FOXP1: variants seen among roughly 807,000 people sequenced by gnomAD.
FOXP1 encodes forkhead box P1, also known as forkhead box protein P1.
FOXP1 carries 15 observed loss-of-function variants against 98.2 expected under a neutral mutation model. The observed-to-expected ratio is 0.15, with a 90% CI of 0.10 to 0.24. FOXP1 has a LOEUF of 0.24. Among genes scored for constraint, FOXP1 ranks in the 10% least tolerant of loss-of-function variants. The pLI is 1.00. For missense variants in FOXP1, 633 were observed against 848.5 expected (o/e 0.75, Z 3.15); for synonymous variants, 371 against 314.5 (o/e 1.18, Z -1.90).
At chr3:71,437,793 C>T (rs949906220) in intron 3 of FOXP1, among the ~76,000 whole-genome samples, 4 of 152,066 alleles carry the variant, frequency 2.6e-5, no homozygotes, top group African/African-American at 9.7e-5. Flanking sequence ...CTGGCTGGGG[C>T]GTAAGAGACC....
In FOXP1 at chr3:70,956,386, C is replaced by A. The variant is rs1575636140; in HGVS notation, c.*2861G>T. On this transcript the variant is annotated 3_prime_UTR_variant, in exon 21 of 21. Transcript: ENST00000649528. ...TTGGTTCTTCTGCAAGGCTGTGATA[C>A]CTGCAAAGATATGTAAAATCTAATT... 8.6e-6 allele frequency: 2 copies of A among 231,370 alleles called. No homozygotes were observed. The highest frequency in any genetic ancestry group is 1.2e-4 in the East Asian group (2 of 16,362). 14.3% of individuals were successfully genotyped at this position (231,370 alleles called of 1,614,324 possible). A position where few individuals can be genotyped will look rare whatever the true frequency, so the allele number is the denominator to read the frequency against.
intron 5 of FOXP1, among the ~76,000 whole-genome samples, chr3:71,207,304 A>G (rs577065304): frequency 2.7e-5 from 4 of 150,932 alleles, no homozygotes; most frequent in Non-Finnish European, 5.9e-5. Context: ...GGCCAGGTTC[A>G]TAACATAGAT....
At chr3:70,959,806 G>T (rs1353950954) in intron 20 of FOXP1, among the ~76,000 whole-genome samples, 1 of 152,130 alleles carries the variant, frequency 6.6e-6, no homozygotes, top group Non-Finnish European at 1.5e-5. Flanking sequence ...TTGAAATGCA[G>T]TGTGTGATTC....
intron 5 of FOXP1, among the ~76,000 whole-genome samples, chr3:71,232,586 G>A (rs1037057559): frequency 1.1e-4 from 16 of 151,326 alleles, no homozygotes; most frequent in Admixed American, 7.9e-4. Context: ...TAGAAACTCC[G>A]ACAAAAAAAA....
At chr3:71,454,809 A>C (rs2087307841) in intron 3 of FOXP1, among the ~76,000 whole-genome samples, 1 of 122,376 alleles carries the variant, frequency 8.2e-6, no homozygotes, top group South Asian at 2.4e-4. Flanking sequence ...AAAAAAACAA[A>C]AAAAAAACTG....
intron 4 of FOXP1, among the ~76,000 whole-genome samples, chr3:71,310,923 C>T (rs1029652499): frequency 6.6e-6 from 1 of 152,210 alleles, no homozygotes; most frequent in African/African-American, 2.4e-5. Flanking sequence ...GCGGTTCCCA[C>T]TGCAGCTGAA....
At chr3:71,279,435 T>G (rs1475448327) in intron 5 of FOXP1, among the ~76,000 whole-genome samples, 1 of 151,928 alleles carries the variant, frequency 6.6e-6, no homozygotes, top group Non-Finnish European at 1.5e-5. Context: ...GCAGGGGTGG[T>G]GAGTGGGGAG....
At chr3:71,048,809 G>A (rs1051844032) in intron 9 of FOXP1, among the ~76,000 whole-genome samples, 1 of 150,372 alleles carries the variant, frequency 6.7e-6, no homozygotes, top group African/African-American at 2.5e-5. Flanking sequence ...TATAATGGGG[G>A]GGGTACAGCT....
chr3:71,215,898 G>A (rs1001183141), intron 5 of FOXP1, among the ~76,000 whole-genome samples: 4 of 152,144 alleles, frequency 2.6e-5, no homozygotes, highest in South Asian at 2.1e-4. Context: ...TTAAAGCCTC[G>A]AAATCTAAAG....
intron 4 of FOXP1, among the ~76,000 whole-genome samples, chr3:71,314,482 A>G (rs989862118): frequency 2.6e-5 from 4 of 151,614 alleles, no homozygotes; most frequent in Admixed American, 1.3e-4. Context: ...GAGCCGAGAT[A>G]ATGACACTGC....
At chr3:71,123,047 C>A (rs998309966) in intron 6 of FOXP1, among the ~76,000 whole-genome samples, 2 of 152,080 alleles carry the variant, frequency 1.3e-5, no homozygotes, top group Admixed American at 6.6e-5. Flanking sequence ...TTCAACCAGA[C>A]CTTTCCATGG....
intron 4 of FOXP1, among the ~76,000 whole-genome samples, chr3:71,345,330 G>A (rs545345613): frequency 3.7e-4 from 57 of 152,060 alleles, no homozygotes; most frequent in Non-Finnish European, 6.6e-4. Context: ...AGAGGTTGCA[G>A]TGAGCCAAGA....
At position 71,538,279 on chromosome 3, in the gene FOXP1, C is replaced by T. The variant is rs534879801; in HGVS notation, c.-298+43270G>A. ...ATCACCACAATATAAGTTAGAAGAT[C>T]ACCACCCCCAAAAGAGATCCTATAC... On this transcript the variant is annotated intron_variant, in intron 2 of 20. Transcript: ENST00000649528. 1.2e-4 allele frequency among the ~76,000 whole-genome samples: 18 copies of T among 152,302 alleles called. No homozygotes were observed. In the South Asian group the frequency reaches 3.7e-3, roughly 32 times the overall value.
chr3:71,345,871 T>TTAAAAAAAAAAAA lies in FOXP1; in HGVS notation c.-73+13278_-73+13279insTTTTTTTTTTTTA, dbSNP rs2077313594. Among the ~76,000 whole-genome samples the TTAAAAAAAAAAAA allele has an allele frequency of 7.3e-5, 4 of 55,098 alleles. No individual in the cohort carries two copies. The Admixed American group carries it at 1.4e-3, about 19-fold the overall frequency. 36.1% of individuals were successfully genotyped at this position (55,098 alleles called of 152,430 possible). A position where few individuals can be genotyped will look rare whatever the true frequency, so the allele number is the denominator to read the frequency against. On this transcript the variant is annotated intron_variant, in intron 4 of 20. Coordinates refer to ENST00000649528, the MANE Select transcript of FOXP1 (RefSeq NM_001349338.3). ...AGGTTTGAAATCAATAAAGTTTTTG[T>TTAAAAAAAAAAAA]AAAAAAAAAAAAAAAAAAAAAAAAA...
At chr3:71,423,832 T>A (rs899810998) in intron 3 of FOXP1, among the ~76,000 whole-genome samples, 3 of 152,214 alleles carry the variant, frequency 2.0e-5, no homozygotes, top group Non-Finnish European at 4.4e-5. Flanking sequence ...GCCTGAGACA[T>A]CTTCAGTTGT....
chr3:71,434,219 T>G (rs909355408), intron 3 of FOXP1, among the ~76,000 whole-genome samples: 1 of 152,292 alleles, frequency 6.6e-6, no homozygotes, highest in South Asian at 2.1e-4. Context: ...AAGTATGTGT[T>G]ACATGCCAAG....
intron 5 of FOXP1, among the ~76,000 whole-genome samples, chr3:71,277,394 CT>C (rs1044987536): frequency 1.3e-5 from 2 of 151,052 alleles, no homozygotes; most frequent in Non-Finnish European, 2.9e-5. Flanking sequence ...AGATTTCATT[CT>C]TTTTTAGTGC....
At chr3:71,179,514 C>T (rs2062159919) in intron 6 of FOXP1, among the ~76,000 whole-genome samples, 1 of 152,128 alleles carries the variant, frequency 6.6e-6, no homozygotes, top group Admixed American at 6.6e-5. Context: ...TGAATGATGC[C>T]ACTTGAAACC....
At chr3:71,322,156 G>A (rs1011525656) in intron 4 of FOXP1, among the ~76,000 whole-genome samples, 1 of 152,140 alleles carries the variant, frequency 6.6e-6, no homozygotes, top group African/African-American at 2.4e-5. Flanking sequence ...AGACTTTAGG[G>A]AACACCATTC....
Sources: allele counts gnomAD v4.1 joint callset (sites outside exome capture counted in the v4.1 genomes callset), GRCh38; gene constraint gnomAD v4.1.1; transcripts MANE v1.5; gene names NCBI Gene and HGNC (gene_info 2026-07-23, HGNC 2026-07-21).